The following COL27A1 variants were observed in gnomAD, a reference collection of about 807,000 sequenced individuals.
The protein encoded by COL27A1 is collagen type XXVII alpha 1 chain.
A neutral mutation model predicts 251.3 loss-of-function variants in COL27A1; 106 were observed. The observed-to-expected ratio is 0.42, with a 90% CI of 0.36 to 0.50. The LOEUF is 0.50. COL27A1 is among the 20% of genes least tolerant of loss of function. The pLI is 0.00. For missense variants in COL27A1, 2,325 were observed against 2,522.8 expected (o/e 0.92, Z 1.68); for synonymous variants, 1,000 against 986.3 (o/e 1.01, Z -0.26).
intron 5 of COL27A1, among the ~76,000 whole-genome samples, chr9:114,184,307 G>A (rs1828162248): frequency 6.6e-6 from 1 of 152,254 alleles, no homozygotes; most frequent in African/African-American, 2.4e-5. Flanking sequence ...GCCATGCACA[G>A]TGAGCTGCTG....
rs771761355 is a variant in COL27A1 at position 114,245,919 on chromosome 9, G to A, written c.2979+9G>A. ...GGCCTGTGGGAGAGCAGGTTAGTTA[G>A]CAACGGTCTCTGAATGAGTGGCTCC... On this transcript the variant is annotated intron_variant, in intron 24 of 60. Transcript: ENST00000356083. The A allele has an allele frequency of 1.2e-6, 2 of 1,612,558 alleles. No homozygotes were observed. Among genetic ancestry groups the A allele is most frequent in the African/African-American group, 2.7e-5 (2 of 74,848 alleles).
At chr9:114,252,749 A>G in intron 26 of COL27A1, 103 bp downstream of exon 26, 1 of 1,415,170 alleles carries the variant, frequency 7.1e-7, no homozygotes, top group Non-Finnish European at 1.0e-6. Flanking sequence ...CAGAATGACC[A>G]GCTCCCTCTT....
chr9:114,272,922 G>A (rs1007650565), intron 36 of COL27A1: 1 of 152,210 alleles, frequency 6.6e-6, no homozygotes, highest in Non-Finnish European at 1.5e-5. Context: ...GGTGGTATTA[G>A]GGAGTCTCCA....
chr9:114,156,335 G>C (rs1444694410), intron 1 of COL27A1, among the ~76,000 whole-genome samples: 1 of 151,172 alleles, frequency 6.6e-6, no homozygotes, highest in Non-Finnish European at 1.5e-5. Flanking sequence ...GGGCTTTTTG[G>C]ATGCTTGGGG....
At chr9:114,205,290 C>G (rs1256254071) in intron 8 of COL27A1, 144 bp downstream of exon 8, 2 of 700,070 alleles carry the variant, frequency 2.9e-6, no homozygotes, top group Non-Finnish European at 4.7e-6. Flanking sequence ...GAGCCCCCAG[C>G]CCACTCCAGT....
rs745344423 is a variant in COL27A1 at position 114,162,745 on chromosome 9, G to C, written c.93G>C (p.Ser31=). 4 of 1,612,580 alleles carry C rather than the reference G, an allele frequency of 2.5e-6. No individual in the cohort carries two copies. The African/African-American group carries it at 4.0e-5, about 16-fold the overall frequency. ...TTCTCTTCTCCTGGATCTTAGTCTC[G>C]TTTGCCTGTCACCTGGCCTCCACCC... ...GGFLFSWILV[S]FACHLASTQG... The change falls in exon 2 of 61, where the codon TCG becomes TCC. Residue 31 remains serine (S), a synonymous_variant. Coordinates refer to ENST00000356083, the MANE Select transcript of COL27A1 (RefSeq NM_032888.4).
chr9:114,205,519 G>A lies in COL27A1; in HGVS notation c.2170-240G>A, dbSNP rs1421619804. 3.3e-5 allele frequency among the ~76,000 whole-genome samples: 5 copies of A among 152,224 alleles called. No individual in the cohort carries two copies. In the East Asian group the frequency reaches 9.6e-4, roughly 29 times the overall value. On this transcript the variant is annotated intron_variant, in intron 8 of 60. Coordinates refer to ENST00000356083, the MANE Select transcript of COL27A1 (RefSeq NM_032888.4). ...CAGCCCTGCCAGCATGGGAGAACCA[G>A]CCAGGCCTCCTCAGTAATTTCTTAT...
At chr9:114,303,979 C>G (rs796715219) in intron 56 of COL27A1, among the ~76,000 whole-genome samples, 10 of 152,322 alleles carry the variant, frequency 6.6e-5, no homozygotes, top group African/African-American at 2.4e-4. Context: ...TTCTGAGACA[C>G]AGTGCAACTG....
chr9:114,205,876 C>A, intron 9 of COL27A1, 64 bp downstream of exon 9: 2 of 1,465,654 alleles, frequency 1.4e-6, no homozygotes, highest in Non-Finnish European at 1.9e-6. Context: ...ACAGGTGCCC[C>A]GAGGCAGAGG....
At chr9:114,262,938 A>ATTTTTTTTT (rs386415960) in intron 28 of COL27A1, among the ~76,000 whole-genome samples, 5 of 127,062 alleles carry the variant, frequency 3.9e-5, no homozygotes, top group East Asian at 2.3e-4. Context: ...TCCTTGTTTG[A>ATTTTTTTTT]TTTTTTTTTT....
intron 55 of COL27A1, 144 bp from the exon 56 acceptor site, chr9:114,301,938 C>A: frequency 1.0e-6 from 1 of 973,916 alleles, no homozygotes; most frequent in Non-Finnish European, 1.6e-6. Context: ...GACCAGCCCA[C>A]TGGGGCCCAC....
In COL27A1 at chr9:114,167,843, A is replaced by G. The variant is rs1849000862; in HGVS notation, c.288A>G (p.Thr96=). The G allele has an allele frequency of 1.2e-6, 2 of 1,613,468 alleles. No individual in the cohort carries two copies. Among genetic ancestry groups the G allele is most frequent in the Non-Finnish European group, 1.7e-6 (2 of 1,179,994 alleles). ...CCGTCATTCCTGCCGCCTTGGGCAC[A>G]GAGCTGGCACTGGTGCTGAGCCTCT... The part of the protein sequence containing the change: ...TGTVIPAALG[T]ELALVLSLCS... The change falls in exon 3 of 61, where the codon ACA becomes ACG. Residue 96 remains threonine (T), a synonymous_variant. Transcript: ENST00000356083.
At position 114,311,859 on chromosome 9, in the gene COL27A1, C is replaced by T. The variant is rs535452485; in HGVS notation, c.*1164C>T. The stretch of plus-strand genomic sequence containing the variant: ...TCAACATGGAACCATCTCAGGAAGC[C>T]GCATCGCCTCTTCCGAGGTCCTCAC... On this transcript the variant is annotated 3_prime_UTR_variant, in exon 61 of 61. Coordinates refer to ENST00000356083, the MANE Select transcript of COL27A1 (RefSeq NM_032888.4). 1.3e-5 allele frequency: 2 copies of T among 152,310 alleles called. No individual in the cohort carries two copies. Among genetic ancestry groups the T allele is most frequent in the African/African-American group, 2.4e-5 (1 of 41,572 alleles). 9.4% of individuals were successfully genotyped at this position (152,310 alleles called of 1,614,324 possible). A position where few individuals can be genotyped will look rare whatever the true frequency, so the allele number is the denominator to read the frequency against.
intron 38 of COL27A1, 50 bp from the exon 39 acceptor site, chr9:114,282,407 C>G (rs779520321): frequency 6.2e-7 from 1 of 1,607,496 alleles, no homozygotes; most frequent in Non-Finnish European, 8.5e-7. Flanking sequence ...CCTCCCTGGA[C>G]CCTCCGTCCT....
At chr9:114,268,880 G>A in intron 34 of COL27A1, 1 of 190,564 alleles carries the variant, frequency 5.2e-6, no homozygotes, top group Non-Finnish European at 1.1e-5. Context: ...AGGCTGCAGT[G>A]AGCTGTGATT....
At chr9:114,243,323 G>A (rs1393564187) in intron 22 of COL27A1, among the ~76,000 whole-genome samples, 184 bp from the exon 23 acceptor site, 1 of 152,174 alleles carries the variant, frequency 6.6e-6, no homozygotes, top group Non-Finnish European at 1.5e-5. Flanking sequence ...TCACGCAGCT[G>A]GAAACCCTGC....
In COL27A1 at chr9:114,239,840, G is replaced by A. The variant is rs371847452; in HGVS notation, c.2728-380G>A. Reference sequence around the variant, plus strand: ...AAATCATCCTCTTTGCAGGATTACTGCAGTCAAAAGACAAGACTTCTCAGG... The same window carrying A: ...AAATCATCCTCTTTGCAGGATTACTACAGTCAAAAGACAAGACTTCTCAGG... On this transcript the variant is annotated intron_variant, in intron 19 of 60. Transcript: ENST00000356083. 7.2e-5 allele frequency among the ~76,000 whole-genome samples: 11 copies of A among 152,332 alleles called. 1 individual carries two copies. The highest frequency in any genetic ancestry group is 1.4e-4 in the African/African-American group (6 of 41,578).
intron 3 of COL27A1, among the ~76,000 whole-genome samples, chr9:114,177,086 C>A (rs931705223): frequency 6.6e-5 from 10 of 152,322 alleles, no homozygotes; most frequent in Middle Eastern, 3.4e-3. Flanking sequence ...ACATCAGGCG[C>A]TTAGTTAATC....
rs1236796843 is a variant in COL27A1, at chr9:114,172,961, A to C, written c.1908+3498A>C. ...ACTGTGGGACCTTTCAGTGTTTGAGAAAGGTGCAGTGGCTGTGTCTGCATG... is the reference window on the plus strand; with the variant it reads ...ACTGTGGGACCTTTCAGTGTTTGAGCAAGGTGCAGTGGCTGTGTCTGCATG... On this transcript the variant is annotated intron_variant, in intron 3 of 60. Transcript: ENST00000356083. Among the ~76,000 whole-genome samples, 3 of 152,202 alleles carry C rather than the reference A, an allele frequency of 2.0e-5. 1 individual carries two copies. Among genetic ancestry groups the C allele is most frequent in the African/African-American group, 7.2e-5 (3 of 41,436 alleles).
Sources: gnomAD v4.1 joint callset for allele counts (sites outside exome capture counted in the v4.1 genomes callset) on GRCh38, gnomAD v4.1.1 for gene constraint, MANE v1.5 for transcripts, NCBI Gene and HGNC (gene_info 2026-07-23, HGNC 2026-07-21) for gene names.